Variants in ZNHIT3 observed in about 807,000 individuals in gnomAD.
ZNHIT3 encodes zinc finger HIT domain-containing protein 3.
Under a neutral mutation model 19.9 loss-of-function variants are expected in ZNHIT3, and 27 were observed. The observed-to-expected ratio is 1.36, with a 90% confidence interval of 1.00 to 1.87. The LOEUF (loss-of-function observed/expected upper bound fraction) is 1.87. ZNHIT3 is among the 40% of genes most tolerant of loss of function. The pLI is 0.00. For missense variants in ZNHIT3, 215 were observed against 185.6 expected (o/e 1.16, Z -0.92); for synonymous variants, 81 against 65.7 (o/e 1.23, Z -1.13).
chr17:36,495,638 G>T lies in ZNHIT3; in HGVS notation c.*234G>T. On this transcript the variant is annotated 3_prime_UTR_variant, in exon 5 of 5. Coordinates refer to ENST00000617429, the MANE Select transcript of ZNHIT3 (RefSeq NM_004773.4). ...GAGAAAACTTGACATTCAGATGATT[G>T]TTTTTAAATGTTTTACTTTTGGTAC... 7.8e-7 allele frequency: 1 copy of T among 1,286,482 alleles called. No homozygotes were observed. The highest frequency in any genetic ancestry group is 9.8e-7 in the Non-Finnish European group (1 of 1,020,350). 79.7% of individuals were successfully genotyped at this position (1,286,482 alleles called of 1,614,324 possible). A position where few individuals can be genotyped will look rare whatever the true frequency, so the allele number is the denominator to read the frequency against.
downstream of ZNHIT3, chr17:36,498,165 G>T: frequency 7.4e-7 from 1 of 1,351,858 alleles, no homozygotes. Context: ...GTTAGGGATG[G>T]ATCTTGTCCC....
downstream of ZNHIT3, chr17:36,496,324 C>CATTACAAAAT (rs777491008): frequency 2.4e-5 from 38 of 1,613,978 alleles, no homozygotes; most frequent in South Asian, 4.1e-4. Flanking sequence ...CTGATTAAAG[C>CATTACAAAAT]CTGTAATGCT....
downstream of ZNHIT3, chr17:36,498,262 G>A (rs141763632): frequency 1.2e-4 from 192 of 1,608,428 alleles, no homozygotes; most frequent in Non-Finnish European, 1.6e-4. Context: ...CACACACAAC[G>A]TACCTGAGGC....
chr17:36,489,046 CAT>C (rs2070662081), intron 2 of ZNHIT3: 1 of 152,228 alleles, frequency 6.6e-6, no homozygotes, highest in South Asian at 2.1e-4. Flanking sequence ...TTAGCATCCA[CAT>C]GTTAACAAGA....
downstream of ZNHIT3, chr17:36,496,515 A>G: frequency 3.0e-6 from 3 of 989,942 alleles, no homozygotes; most frequent in Non-Finnish European, 4.5e-6. Context: ...GACAAGTACT[A>G]GTATTGGGGG....
downstream of ZNHIT3, chr17:36,495,986 T>C (rs1272895649): frequency 3.4e-5 from 28 of 819,160 alleles, 1 homozygote; most frequent in Admixed American, 9.9e-4. Context: ...GTTTGATCTG[T>C]GAAGGTAGTG....
At chr17:36,497,603 T>TTA, downstream of ZNHIT3, 1 of 864,522 alleles carries the variant, frequency 1.2e-6, no homozygotes, top group Non-Finnish European at 1.4e-6. Flanking sequence ...TTTTTTTTTT[T>TTA]AGATGGACTC....
intron 2 of ZNHIT3, chr17:36,490,772 A>G (rs897085786): frequency 5.3e-5 from 8 of 152,192 alleles, no homozygotes; most frequent in African/African-American, 1.9e-4. Flanking sequence ...GTATTTAATA[A>G]ATAATTTTTA....
chr17:36,494,885 G>A (rs1599160389), intron 4 of ZNHIT3, among the ~76,000 whole-genome samples: 1 of 152,156 alleles, frequency 6.6e-6, no homozygotes, highest in Non-Finnish European at 1.5e-5. Flanking sequence ...TGCTGATAAA[G>A]CATTTTTTTC....
At chr17:36,498,989 A>C, downstream of ZNHIT3, 1 of 1,079,274 alleles carries the variant, frequency 9.3e-7, no homozygotes, top group Non-Finnish European at 1.4e-6. Context: ...CCTGCATTGC[A>C]GTGGCAGAGC....
At chr17:36,497,312 A>C (rs1176776543), downstream of ZNHIT3, among the ~76,000 whole-genome samples, 1 of 149,956 alleles carries the variant, frequency 6.7e-6, no homozygotes, top group African/African-American at 2.5e-5. Context: ...CAAAAAATTA[A>C]ATAACATGAA....
At chr17:36,493,382 A>G (rs1171631779) in intron 3 of ZNHIT3, 1 of 176,440 alleles carries the variant, frequency 5.7e-6, no homozygotes, top group Non-Finnish European at 1.2e-5. Flanking sequence ...CTGGGTGTCA[A>G]GCACCATGCC....
chr17:36,498,524 A>G (rs763904773), downstream of ZNHIT3: 16 of 1,613,474 alleles, frequency 9.9e-6, no homozygotes, highest in South Asian at 1.6e-4. Flanking sequence ...CTTCCACACC[A>G]TCCAGCTCTT....
chr17:36,494,015 G>C lies in ZNHIT3; in HGVS notation c.286+9G>C. The C allele has an allele frequency of 6.3e-7, 1 of 1,597,514 alleles. No homozygotes were observed. Among genetic ancestry groups the C allele is most frequent in the Non-Finnish European group, 8.6e-7 (1 of 1,165,696 alleles). On this transcript the variant is annotated intron_variant, in intron 4 of 4. Coordinates refer to ENST00000617429, the MANE Select transcript of ZNHIT3 (RefSeq NM_004773.4). ...GAATTTAAAGAATTTAGGTAAGTCT[G>C]TGCTATGCTTGTCAATCGTTGAGAT...
In ZNHIT3 at chr17:36,495,430, AGCGTGTGCTTGACTCCTGGAACCT is replaced by A. The variant is rs1207445738; in HGVS notation, c.*29_*52del. 1.3e-6 allele frequency: 2 copies of A among 1,555,918 alleles called. No homozygotes were observed. Among genetic ancestry groups the A allele is most frequent in the Non-Finnish European group, 1.7e-6 (2 of 1,152,108 alleles). ...GATGGATTATTGTGCTGCTTGCTCA[AGCGTGTGCTTGACTCCTGGAACCT>A]GCCTGCTCCCTCTCCCAGACCAGCT... On this transcript the variant is annotated 3_prime_UTR_variant, in exon 5 of 5. Transcript: ENST00000617429.
chr17:36,492,954 A>AAAGGT (rs1461075690), intron 3 of ZNHIT3, 55 bp downstream of exon 3: 5 of 1,529,852 alleles, frequency 3.3e-6, no homozygotes, highest in African/African-American at 1.4e-5. Flanking sequence ...GAATAAGTCG[A>AAAGGT]AGGAAAAGGG....
In ZNHIT3 at chr17:36,495,530, G is replaced by T. The variant is rs900499490; in HGVS notation, c.*126G>T. The T allele has an allele frequency of 1.5e-6, 2 of 1,372,752 alleles. No individual in the cohort carries two copies. Among genetic ancestry groups the T allele is most frequent in the African/African-American group, 2.9e-5 (2 of 67,868 alleles). The allele number at this position is 1,372,752 out of a possible 1,614,324, so 85.0% of individuals were successfully genotyped here. On this transcript the variant is annotated 3_prime_UTR_variant, in exon 5 of 5. Coordinates refer to ENST00000617429, the MANE Select transcript of ZNHIT3 (RefSeq NM_004773.4). ...AAAGAGGTTTCCAGGATGCAGATTA[G>T]GTCATGCAGGCCTTTACCGGCATTG...
chr17:36,486,997 A>T, intron 2 of ZNHIT3, 31 bp downstream of exon 2: 1 of 1,609,858 alleles, frequency 6.2e-7, no homozygotes, highest in Non-Finnish European at 8.5e-7. Flanking sequence ...CCCTCGTACC[A>T]CTGCGCACGG....
downstream of ZNHIT3, chr17:36,496,199 T>C: frequency 6.2e-7 from 1 of 1,604,780 alleles, no homozygotes; most frequent in Non-Finnish European, 8.5e-7. Context: ...TTAAATGTCT[T>C]TGGCAAGGCA....
Sources: gnomAD v4.1 joint callset for allele counts (sites outside exome capture counted in the v4.1 genomes callset) on GRCh38, gnomAD v4.1.1 for gene constraint, MANE v1.5 for transcripts, NCBI Gene and HGNC (gene_info 2026-07-23, HGNC 2026-07-21) for gene names.